SUN1: variants seen among roughly 807,000 people sequenced by gnomAD.
SUN1 encodes SUN domain-containing protein 1.
In SUN1, 61 loss-of-function variants were observed where a neutral mutation model predicts 103.2. That is an observed-to-expected ratio of 0.59 (90% CI 0.48 to 0.73). The LOEUF is 0.73. Ranked by LOEUF, SUN1 falls within the 30% of genes least tolerant of loss-of-function variation. The pLI is 0.00. For missense variants in SUN1, 1,052 were observed against 1,034.6 expected (o/e 1.02, Z -0.23); for synonymous variants, 490 against 425.7 (o/e 1.15, Z -1.86).
chr7:834,708 T>C (rs1202567123), intron 1 of SUN1, among the ~76,000 whole-genome samples: 1 of 152,228 alleles, frequency 6.6e-6, no homozygotes, highest in African/African-American at 2.4e-5. Flanking sequence ...TTGTCTTGAT[T>C]CTTAGCAATT....
intron 5 of SUN1, among the ~76,000 whole-genome samples, chr7:844,917 G>A (rs188335381): frequency 2.2e-4 from 34 of 152,330 alleles, no homozygotes; most frequent in Middle Eastern, 3.4e-3. Context: ...GGCCCCGGGG[G>A]TGCTGCACGT....
At position 850,176 on chromosome 7, in the gene SUN1, G is replaced by T. The variant is rs1471093881; in HGVS notation, c.659-1208G>T. 2.5e-5 allele frequency: 19 copies of T among 757,212 alleles called. No individual in the cohort carries two copies. The Admixed American group carries it at 4.3e-4, about 17-fold the overall frequency. The allele number at this position is 757,212 out of a possible 1,614,324, so 46.9% of individuals were successfully genotyped here. Reference sequence around the variant, plus strand: ...TAGTATTAACTTTGGTTTAAAACAGGGTGAATCTCTCTCGAAAAGCTCCCT... The same window carrying T: ...TAGTATTAACTTTGGTTTAAAACAGTGTGAATCTCTCTCGAAAAGCTCCCT... On this transcript the variant is annotated intron_variant, in intron 5 of 18. Coordinates refer to ENST00000401592, the MANE Select transcript of SUN1 (RefSeq NM_001130965.3).
chr7:841,314 G>A (rs1352139288), intron 2 of SUN1, among the ~76,000 whole-genome samples: 1 of 143,788 alleles, frequency 7.0e-6, no homozygotes. Flanking sequence ...CGTGATCTCA[G>A]ATCACTGCAA....
chr7:849,691 C>T (rs754749829), intron 5 of SUN1: 81 of 1,397,906 alleles, frequency 5.8e-5, no homozygotes, highest in East Asian at 3.6e-4. Flanking sequence ...AGAGAATGAA[C>T]GGCCCGTGTG....
At chr7:860,734 C>A (rs1249233474) in intron 14 of SUN1, among the ~76,000 whole-genome samples, 1 of 152,182 alleles carries the variant, frequency 6.6e-6, no homozygotes, top group Non-Finnish European at 1.5e-5. Context: ...TCATGCTGGG[C>A]AATTTAGAAA....
Position 865,040 on chromosome 7 carries a change from G to A in SUN1, c.1865-912G>A, listed in dbSNP as rs75177925. ...ACCCTCTCTGTCCATGAATTCAGTG[G>A]TTTTGGTTTTTAAATAAGTGAGAAC... On this transcript the variant is annotated intron_variant, in intron 15 of 18. Coordinates refer to ENST00000401592, the MANE Select transcript of SUN1 (RefSeq NM_001130965.3). Among the ~76,000 whole-genome samples the A allele has an allele frequency of 1.6e-3, 240 of 152,158 alleles. 1 individual carries two copies. Among genetic ancestry groups the A allele is most frequent in the South Asian group, 3.9e-3 (19 of 4,816 alleles).
intron 1 of SUN1, among the ~76,000 whole-genome samples, chr7:838,069 G>A (rs1306753362): frequency 1.3e-5 from 2 of 152,166 alleles, no homozygotes; most frequent in African/African-American, 4.8e-5. Flanking sequence ...GGTCATGAAC[G>A]TATGACAGGG....
chr7:870,953 C>T (rs1332478637), intron 17 of SUN1, among the ~76,000 whole-genome samples: 3 of 146,052 alleles, frequency 2.1e-5, no homozygotes, highest in East Asian at 4.0e-4. Context: ...TGCAGTGGCG[C>T]GATTTCAGCT....
rs1781530572 is a variant in SUN1 at position 817,246 on chromosome 7, C to T, written c.-74+573C>T. ...AAGCGCTCGGATCACAGGCGTGAGC[C>T]ACCGCGCCCGGCTGATAGTCGTATT... On this transcript the variant is annotated intron_variant, in intron 1 of 17. Transcript: ENST00000389574. 41 of 654,128 alleles carry T rather than the reference C, an allele frequency of 6.3e-5. No homozygotes were observed. In the South Asian group the frequency reaches 7.3e-4, roughly 12 times the overall value. The allele number at this position is 654,128 out of a possible 1,614,324, so 40.5% of individuals were successfully genotyped here. A position where few individuals can be genotyped will look rare whatever the true frequency, so the allele number is the denominator to read the frequency against.
chr7:865,472 C>T (rs1037783331), intron 15 of SUN1, among the ~76,000 whole-genome samples: 3 of 152,206 alleles, frequency 2.0e-5, no homozygotes, highest in Admixed American at 6.5e-5. Context: ...CCATTTTCCT[C>T]ATGCATTCAT....
At chr7:850,788 AAAAAC>A (rs1821301399) in intron 5 of SUN1, 1 of 151,308 alleles carries the variant, frequency 6.6e-6, no homozygotes, top group African/African-American at 2.4e-5. Context: ...AAAAACAAAA[AAAAAC>A]TGGAACAAAA....
In SUN1 at chr7:851,971, T is replaced by C; in HGVS notation, c.779T>C (p.Phe260Ser). 1 of 1,614,104 alleles carries C rather than the reference T, an allele frequency of 6.2e-7. No individual in the cohort carries two copies. Among genetic ancestry groups the C allele is most frequent in the South Asian group, 1.1e-5 (1 of 91,086 alleles). The part of the protein sequence containing the change: ...VAPGKAASGV[F>S]WWLGIGWYQF... The stretch of plus-strand genomic sequence containing the variant: ...GTAGGGAAGGCAGCCTCTGGAGTGT[T>C]CTGGTGGCTGGGGATTGGATGGTAC... Residue 260 changes from phenylalanine (F) to serine (S), a missense_variant, in exon 7 of 19, where the codon TTC becomes TCC. Coordinates refer to ENST00000401592, the MANE Select transcript of SUN1 (RefSeq NM_001130965.3).
At chr7:856,779 G>C (rs1198611443) in intron 12 of SUN1, among the ~76,000 whole-genome samples, 1 of 152,170 alleles carries the variant, frequency 6.6e-6, no homozygotes, top group African/African-American at 2.4e-5. Context: ...CCGGGCCTCC[G>C]CTGGCACCGT....
intron 15 of SUN1, among the ~76,000 whole-genome samples, chr7:862,496 C>A (rs1342731844): frequency 6.6e-6 from 1 of 152,192 alleles, no homozygotes; most frequent in African/African-American, 2.4e-5. Context: ...ATCAACAAGG[C>A]TACTGGTGTG....
intron 3 of SUN1, chr7:842,929 T>G: frequency 1.7e-6 from 1 of 573,640 alleles, no homozygotes. Flanking sequence ...ATAGATGGGC[T>G]TTCCTCTCCT....
intron 2 of SUN1, among the ~76,000 whole-genome samples, chr7:841,367 C>T (rs939266359): frequency 4.6e-5 from 7 of 151,818 alleles, no homozygotes; most frequent in Non-Finnish European, 7.4e-5. Flanking sequence ...CCACAGCCTC[C>T]CGAGTAGCTG....
intron 1 of SUN1, among the ~76,000 whole-genome samples, chr7:820,512 A>C (rs561961277): frequency 1.3e-5 from 2 of 152,208 alleles, no homozygotes; most frequent in Non-Finnish European, 2.9e-5. Context: ...AGATCATGTC[A>C]TCTGAGAATA....
At position 843,192 on chromosome 7, in the gene SUN1, G is replaced by GT. The variant is rs34925195; in HGVS notation, c.452-3dup. ...ACAGCAAAAATGTGTGTGTGTGTGTGTTTTTTTTTTTAGGTCTTGATGATG... is the reference window on the plus strand; with the variant it reads ...ACAGCAAAAATGTGTGTGTGTGTGTGTTTTTTTTTTTTAGGTCTTGATGATG... On this transcript the variant is annotated splice_polypyrimidine_tract_variant and intron_variant, in intron 3 of 18. Coordinates refer to ENST00000401592, the MANE Select transcript of SUN1 (RefSeq NM_001130965.3). 2.4e-3 allele frequency: 3,100 copies of GT among 1,308,988 alleles called. No homozygotes were observed. The highest frequency in any genetic ancestry group is 3.8e-3 in the South Asian group (269 of 70,858). The allele number at this position is 1,308,988 out of a possible 1,614,324, so 81.1% of individuals were successfully genotyped here. A position where few individuals can be genotyped will look rare whatever the true frequency, so the allele number is the denominator to read the frequency against.
At chr7:872,915 G>A (rs1014197411) in intron 18 of SUN1, among the ~76,000 whole-genome samples, 6 of 152,060 alleles carry the variant, frequency 3.9e-5, no homozygotes, top group Admixed American at 1.3e-4. Context: ...GGCGAAACCC[G>A]GTCTCTACTA....
Sources: gnomAD v4.1 joint callset for allele counts (sites outside exome capture counted in the v4.1 genomes callset) on GRCh38, gnomAD v4.1.1 for gene constraint, MANE v1.5 for transcripts, NCBI Gene and HGNC (gene_info 2026-07-23, HGNC 2026-07-21) for gene names.